Variants in ATP10A observed in about 807,000 individuals in gnomAD.
ATP10A encodes phospholipid-transporting ATPase VA.
In ATP10A, 111 loss-of-function variants were observed where a neutral mutation model predicts 147.8. The observed-to-expected ratio is 0.75, with a 90% CI of 0.64 to 0.88. The LOEUF (loss-of-function observed/expected upper bound fraction) is 0.88. Ranked by LOEUF, ATP10A falls within the 40% of genes least tolerant of loss-of-function variation. ATP10A has a pLI of 0.00. For synonymous variants in ATP10A, 875 were observed against 841.6 expected (o/e 1.04, Z -0.69); for missense variants, 1,927 against 1,959.0 (o/e 0.98, Z 0.31).
chr15:25,802,371 G>C (rs115840968), intron 1 of ATP10A, among the ~76,000 whole-genome samples: 1,817 of 152,202 alleles, frequency 0.012, 41 homozygotes, highest in African/African-American at 0.04. Context: ...GGTTCTCTCA[G>C]GCCCGTGAGC....
At chr15:25,705,459 AAAAAAAAC>A (rs1567315575) in intron 12 of ATP10A, among the ~76,000 whole-genome samples, 5 of 2,692 alleles carry the variant, frequency 1.9e-3, no homozygotes, top group Non-Finnish European at 8.4e-3. Context: ...AAAAACAAAA[AAAAAAAAC>A]AAAAAAAATC....
At chr15:25,809,931 C>T (rs182980259) in intron 1 of ATP10A, among the ~76,000 whole-genome samples, 102 of 151,892 alleles carry the variant, frequency 6.7e-4, no homozygotes, top group Middle Eastern at 6.8e-3. Flanking sequence ...GGTTCCAAGT[C>T]GCCCAAGCTG....
chr15:25,823,209 C>T (rs1157028269), intron 1 of ATP10A, among the ~76,000 whole-genome samples: 1 of 152,114 alleles, frequency 6.6e-6, no homozygotes, highest in Non-Finnish European at 1.5e-5. Flanking sequence ...AATGGTATGG[C>T]TAATGGCATT....
intron 2 of ATP10A, among the ~76,000 whole-genome samples, chr15:25,761,077 C>CT (rs1888733215): frequency 6.6e-6 from 1 of 152,132 alleles, no homozygotes; most frequent in Non-Finnish European, 1.5e-5. Flanking sequence ...CTATATATCT[C>CT]AACCAAATAC....
chr15:25,680,369 T>C (rs534408889), intron 19 of ATP10A, 61 bp from the exon 20 acceptor site: 1 of 1,540,250 alleles, frequency 6.5e-7, no homozygotes, highest in South Asian at 1.1e-5. Context: ...ACAATGACAA[T>C]AACAAAAACG....
downstream of ATP10A, among the ~76,000 whole-genome samples, chr15:25,676,702 G>A (rs569139557): frequency 1.3e-4 from 20 of 151,778 alleles, no homozygotes; most frequent in Non-Finnish European, 2.9e-4. Context: ...TTTATGGCCT[G>A]AAGTCTATGT....
Position 25,708,208 on chromosome 15 carries a change from T to C in ATP10A, c.2437A>G (p.Ile813Val), listed in dbSNP as rs1207092692. The C allele has an allele frequency of 3.1e-6, 5 of 1,614,112 alleles. No individual in the cohort carries two copies. The highest frequency in any genetic ancestry group is 1.7e-5 in the Admixed American group (1 of 60,010). ...YAAEGLRTLC[I>V]AKRVLSKEEY... is the part of the protein sequence containing the mutation. Reference sequence around the variant, plus strand: ...ACACCCCCACTCACTCTCTTGGCGATGCACAAGGTGCGCAGGCCTTCCGCC... The same window carrying C: ...ACACCCCCACTCACTCTCTTGGCGACGCACAAGGTGCGCAGGCCTTCCGCC... The change falls in exon 11 of 21, where the codon ATC (isoleucine) becomes GTC (valine). Residue 813 changes from isoleucine (I) to valine (V), a missense_variant. Ile to Val is a conservative substitution (Grantham distance 29). Transcript: ENST00000555815.
At position 25,679,437 on chromosome 15, in the gene ATP10A, T is replaced by G. The variant is rs1899239974; in HGVS notation, c.4404A>C (p.Gly1468=). The change falls in exon 21 of 21, where the codon GGA becomes GGC. Residue 1468 remains glycine (G), a synonymous_variant. Coordinates refer to ENST00000555815, the MANE Select transcript of ATP10A (RefSeq NM_024490.4). The part of the protein sequence containing the change: ...RTEQLADGQA[G]RGLPVQPHSG... ...AGTGGGGCTGGACAGGAAGTCCACG[T>G]CCCGCTTGTCCATCTGCAAGCTGCT... 1 of 1,613,890 alleles carries G rather than the reference T, an allele frequency of 6.2e-7. No individual in the cohort carries two copies.
chr15:25,769,348 G>T (rs145984295), intron 2 of ATP10A, among the ~76,000 whole-genome samples: 1 of 151,662 alleles, frequency 6.6e-6, no homozygotes, highest in Non-Finnish European at 1.5e-5. Flanking sequence ...TTAGCCGGGG[G>T]TGGTGGCGGG....
At chr15:25,702,142 G>A (rs773027899) in intron 12 of ATP10A, 42 bp from the exon 13 acceptor site, 8 of 1,567,712 alleles carry the variant, frequency 5.1e-6, no homozygotes, top group African/African-American at 1.4e-5. Flanking sequence ...CGCTTCTCAC[G>A]TGCCCCCCAA....
intron 1 of ATP10A, among the ~76,000 whole-genome samples, chr15:25,835,724 C>T (rs1237020117): frequency 2.0e-5 from 3 of 152,212 alleles, no homozygotes; most frequent in Non-Finnish European, 4.4e-5. Flanking sequence ...CCCAAACTCC[C>T]GGGCTCAAGC....
At chr15:25,685,515 C>G (rs780758032) in intron 16 of ATP10A, among the ~76,000 whole-genome samples, 1 of 152,156 alleles carries the variant, frequency 6.6e-6, no homozygotes, top group Non-Finnish European at 1.5e-5. Flanking sequence ...GCTCAACTCA[C>G]AGGCTTTGCT....
intron 1 of ATP10A, among the ~76,000 whole-genome samples, chr15:25,782,071 G>C (rs1261404559): frequency 6.6e-6 from 1 of 152,200 alleles, no homozygotes; most frequent in East Asian, 1.9e-4. Context: ...CCATGAACAG[G>C]TGAATAATAA....
chr15:25,840,984 GATTC>G (rs1301343686), intron 1 of ATP10A, among the ~76,000 whole-genome samples: 1 of 152,094 alleles, frequency 6.6e-6, no homozygotes, highest in Non-Finnish European at 1.5e-5. Flanking sequence ...TTTTAAACAG[GATTC>G]ATTGTTTTGT....
At chr15:25,837,370 C>A (rs564758752) in intron 1 of ATP10A, among the ~76,000 whole-genome samples, 1 of 152,270 alleles carries the variant, frequency 6.6e-6, no homozygotes, top group Non-Finnish European at 1.5e-5. Context: ...CCATTTGCAA[C>A]GATGTGGATG....
chr15:25,836,919 A>T (rs1892622287), intron 1 of ATP10A, among the ~76,000 whole-genome samples: 1 of 152,204 alleles, frequency 6.6e-6, no homozygotes, highest in African/African-American at 2.4e-5. Context: ...TCAGGTCCAC[A>T]CACCACCTGC....
intron 7 of ATP10A, 21 bp from the exon 8 acceptor site, chr15:25,718,420 G>A (rs1435558869): frequency 6.4e-7 from 1 of 1,569,728 alleles, no homozygotes; most frequent in Non-Finnish European, 8.6e-7. Context: ...AGGGCGCAGG[G>A]TGAGGCATCA....
intron 6 of ATP10A, among the ~76,000 whole-genome samples, chr15:25,722,231 A>C (rs772272597): frequency 2.0e-5 from 3 of 152,144 alleles, no homozygotes; most frequent in Non-Finnish European, 4.4e-5. Flanking sequence ...GAGAGAAAAG[A>C]GAAAAAAAAT....
At chr15:25,720,826 A>T (rs12439720) in intron 7 of ATP10A, among the ~76,000 whole-genome samples, 145,628 of 152,236 alleles carry the variant, frequency 0.96, 69,792 homozygotes, top group Non-Finnish European at 0.99. Flanking sequence ...CAAAAGTGTC[A>T]AGTAAACAAC....
Sources: gnomAD v4.1 joint callset for allele counts (sites outside exome capture counted in the v4.1 genomes callset) on GRCh38, gnomAD v4.1.1 for gene constraint, MANE v1.5 for transcripts, NCBI Gene and HGNC (gene_info 2026-07-23, HGNC 2026-07-21) for gene names.